CDK13: variants seen among roughly 807,000 people sequenced by gnomAD.
CDK13 encodes cyclin dependent kinase 13.
Under a neutral mutation model 137.6 loss-of-function variants are expected in CDK13, and 40 were observed. The ratio of observed to expected loss-of-function variants is 0.29; its 90% confidence interval spans 0.23 to 0.38. CDK13 has a LOEUF of 0.38. Among genes scored for constraint, CDK13 ranks in the 10% least tolerant of loss-of-function variants. The pLI is 1.00. For synonymous variants in CDK13, 869 were observed against 760.1 expected (o/e 1.14, Z -2.36); for missense variants, 1,704 against 1,951.8 (o/e 0.87, Z 2.39).
intron 1 of CDK13, chr7:39,952,163 C>T (rs996109576): frequency 1.1e-5 from 3 of 273,158 alleles, no homozygotes; most frequent in Admixed American, 5.3e-5. Context: ...TTGCTCTTTG[C>T]TTTTCTGGTA....
chr7:39,996,233 A>G (rs1297424428), intron 2 of CDK13, among the ~76,000 whole-genome samples: 2 of 152,222 alleles, frequency 1.3e-5, no homozygotes, highest in Admixed American at 6.5e-5. Context: ...CATTATTTAC[A>G]TTGATAATAT....
intron 6 of CDK13, among the ~76,000 whole-genome samples, 188 bp downstream of exon 6, chr7:40,046,213 T>G (rs1785736776): frequency 6.6e-6 from 1 of 152,162 alleles, no homozygotes; most frequent in Non-Finnish European, 1.5e-5. Context: ...CTATTACACT[T>G]GTAATACCCA....
intron 1 of CDK13, among the ~76,000 whole-genome samples, chr7:39,963,340 A>G (rs1388329002): frequency 6.6e-6 from 1 of 152,190 alleles, no homozygotes; most frequent in East Asian, 1.9e-4. Context: ...GGTCCTTCAC[A>G]TCCCTTGTAA....
intron 1 of CDK13, chr7:39,984,492 G>T (rs1018007434): frequency 6.6e-6 from 1 of 150,712 alleles, no homozygotes; most frequent in Non-Finnish European, 1.5e-5. Context: ...AAAAAATTTT[G>T]TGGGTGCATA....
intron 1 of CDK13, among the ~76,000 whole-genome samples, chr7:39,972,744 T>C (rs1162942731): frequency 1.3e-5 from 2 of 152,222 alleles, no homozygotes; most frequent in Non-Finnish European, 2.9e-5. Flanking sequence ...TTGGCTATTT[T>C]TTTAATGCTG....
intron 12 of CDK13, among the ~76,000 whole-genome samples, chr7:40,091,847 A>G (rs1056029705): frequency 2.0e-5 from 3 of 152,314 alleles, no homozygotes; most frequent in South Asian, 2.1e-4. Context: ...TCTTCTATCA[A>G]TCTGTCATCT....
intron 1 of CDK13, among the ~76,000 whole-genome samples, chr7:39,964,560 T>TA (rs1242193412): frequency 6.6e-6 from 1 of 151,756 alleles, no homozygotes; most frequent in Non-Finnish European, 1.5e-5. Context: ...GTTGATCTTT[T>TA]AAAAAAACCA....
At chr7:40,077,891 T>G in intron 9 of CDK13, 114 bp from the exon 10 acceptor site, 1 of 532,164 alleles carries the variant, frequency 1.9e-6, no homozygotes, top group Admixed American at 3.1e-5. Flanking sequence ...AAAGTTTTTA[T>G]AGACCAAGGC....
At chr7:40,040,163 C>A (rs1320345575) in intron 5 of CDK13, among the ~76,000 whole-genome samples, 1 of 152,146 alleles carries the variant, frequency 6.6e-6, no homozygotes, top group Non-Finnish European at 1.5e-5. Context: ...AGGCACCCAC[C>A]ACCACACCTG....
In CDK13 at chr7:40,099,113, A is replaced by G. The variant is rs1230834079; in HGVS notation, c.*4133A>G. On this transcript the variant is annotated 3_prime_UTR_variant, in exon 14 of 14. Transcript: ENST00000181839. ...ATACTTTCAGGGTTTTGTAATTTCA[A>G]GTGGTTTTTTAAGGGGAGCAATAGT... 1 of 151,948 alleles carries G rather than the reference A, an allele frequency of 6.6e-6. No homozygotes were observed. The highest frequency in any genetic ancestry group is 1.9e-4 in the East Asian group (1 of 5,198). 9.4% of individuals were successfully genotyped at this position (151,948 alleles called of 1,614,324 possible). A position where few individuals can be genotyped will look rare whatever the true frequency, so the allele number is the denominator to read the frequency against.
intron 9 of CDK13, chr7:40,073,148 G>A (rs1204599380): frequency 1.3e-5 from 2 of 152,084 alleles, no homozygotes; most frequent in Non-Finnish European, 2.9e-5. Flanking sequence ...ACCCAATATT[G>A]TGTACTGTCA....
intron 5 of CDK13, among the ~76,000 whole-genome samples, chr7:40,020,284 T>G (rs1401858724): frequency 6.6e-6 from 1 of 152,008 alleles, no homozygotes; most frequent in Non-Finnish European, 1.5e-5. Flanking sequence ...CCCAAACTGG[T>G]CTCCAACTCC....
intron 5 of CDK13, among the ~76,000 whole-genome samples, chr7:40,003,153 T>TACACACACACACAC (rs71560157): frequency 2.1e-4 from 25 of 119,944 alleles, no homozygotes; most frequent in Admixed American, 5.3e-4. Context: ...CTTCCCCAGC[T>TACACACACACACAC]ACACACACAC....
intron 5 of CDK13, among the ~76,000 whole-genome samples, chr7:40,039,336 G>T (rs1328428419): frequency 6.6e-6 from 1 of 151,192 alleles, no homozygotes; most frequent in East Asian, 1.9e-4. Flanking sequence ...TGGCACGATT[G>T]TGACTCACTG....
At chr7:40,066,738 T>C (rs753663113) in intron 9 of CDK13, 2 of 152,230 alleles carry the variant, frequency 1.3e-5, no homozygotes, top group Middle Eastern at 3.2e-3. Context: ...TGATGTGTTA[T>C]GGGTGTGGTT....
chr7:40,060,533 G>A (rs1731391082), intron 7 of CDK13, among the ~76,000 whole-genome samples: 1 of 152,152 alleles, frequency 6.6e-6, no homozygotes, highest in African/African-American at 2.4e-5. Flanking sequence ...TGCCTGACCT[G>A]TGCCCAGCAT....
chr7:40,031,581 A>T (rs570955348), intron 5 of CDK13, among the ~76,000 whole-genome samples: 1 of 152,252 alleles, frequency 6.6e-6, no homozygotes, highest in Middle Eastern at 3.4e-3. Flanking sequence ...TGCCATTGGT[A>T]TATCATCTTT....
At chr7:40,029,641 GAA>G (rs1785323275) in intron 5 of CDK13, among the ~76,000 whole-genome samples, 1 of 150,698 alleles carries the variant, frequency 6.6e-6, no homozygotes, top group East Asian at 1.9e-4. Flanking sequence ...GAGAGAGAGA[GAA>G]AAGATTCTTT....
chr7:40,087,958 G>C lies in CDK13; in HGVS notation c.3030-168G>C, dbSNP rs572447398. ...CTGTAAAGGCAAAGCAAGCCCTGAA[G>C]GAAGTGGGACAATAAGGATGATTTT... On this transcript the variant is annotated intron_variant, in intron 11 of 13. Transcript: ENST00000181839. Among the ~76,000 whole-genome samples, 3 of 152,288 alleles carry C rather than the reference G, an allele frequency of 2.0e-5. No homozygotes were observed. The South Asian group carries it at 6.2e-4, about 32-fold the overall frequency.
Sources: gnomAD v4.1 joint callset for allele counts (sites outside exome capture counted in the v4.1 genomes callset) on GRCh38, gnomAD v4.1.1 for gene constraint, MANE v1.5 for transcripts, NCBI Gene and HGNC (gene_info 2026-07-23, HGNC 2026-07-21) for gene names.